Variants in KCND2 observed in about 807,000 individuals in gnomAD.
KCND2 encodes the protein A-type voltage-gated potassium channel KCND2.
Under a neutral mutation model 54.4 loss-of-function variants are expected in KCND2, and 16 were observed. That is an observed-to-expected ratio of 0.29 (90% CI 0.20 to 0.45). KCND2 has a LOEUF of 0.45. Ranked by LOEUF, KCND2 falls within the 20% of genes least tolerant of loss-of-function variation. The pLI is 1.00. For missense variants in KCND2, 486 were observed against 824.2 expected, an observed-to-expected ratio of 0.59 and a Z score of 5.02; for synonymous variants, 317 against 310.7, an observed-to-expected ratio of 1.02 and a Z score of -0.21.
At chr7:120,558,057 CT>C (rs1271911612) in intron 1 of KCND2, among the ~76,000 whole-genome samples, 2 of 152,008 alleles carry the variant, frequency 1.3e-5, no homozygotes, top group Non-Finnish European at 2.9e-5. Context: ...AATGTTTCCC[CT>C]GATATCTTTA....
At chr7:120,728,945 G>A (rs1382993311) in intron 1 of KCND2, among the ~76,000 whole-genome samples, 2 of 152,084 alleles carry the variant, frequency 1.3e-5, no homozygotes, top group African/African-American at 4.8e-5. Flanking sequence ...TTAAAAGGTG[G>A]CAGTATTTTA....
intron 1 of KCND2, among the ~76,000 whole-genome samples, chr7:120,634,544 C>T (rs750876852): frequency 2.0e-5 from 3 of 152,058 alleles, no homozygotes; most frequent in Non-Finnish European, 2.9e-5. Context: ...ACTCACTTGC[C>T]GTGCCCTGTT....
At chr7:120,467,714 C>A (rs1181285072) in intron 1 of KCND2, among the ~76,000 whole-genome samples, 1 of 152,072 alleles carries the variant, frequency 6.6e-6, no homozygotes, top group African/African-American at 2.4e-5. Context: ...TTTGTTTACT[C>A]CTTTTTGTCA....
At chr7:120,511,719 C>A (rs1335984317) in intron 1 of KCND2, among the ~76,000 whole-genome samples, 1 of 152,010 alleles carries the variant, frequency 6.6e-6, no homozygotes, top group Non-Finnish European at 1.5e-5. Flanking sequence ...GTTTTCTTGA[C>A]TGTAATTTGA....
intron 2 of KCND2, chr7:120,741,002 A>G (rs1312041644): frequency 1.4e-5 from 5 of 356,914 alleles, no homozygotes; most frequent in Non-Finnish European, 2.2e-5. Context: ...TTGCAAAAAT[A>G]TAATTTTATA....
At chr7:120,477,655 G>A (rs538834956) in intron 1 of KCND2, among the ~76,000 whole-genome samples, 2 of 152,138 alleles carry the variant, frequency 1.3e-5, no homozygotes, top group Admixed American at 6.5e-5. Context: ...AAAAAGAAGA[G>A]GGGGAAAGAG....
At chr7:120,715,948 G>T (rs1386706020) in intron 1 of KCND2, among the ~76,000 whole-genome samples, 2 of 152,008 alleles carry the variant, frequency 1.3e-5, no homozygotes, top group African/African-American at 2.4e-5. Flanking sequence ...AAGTTAAAAT[G>T]ACAATTACTT....
intron 1 of KCND2, among the ~76,000 whole-genome samples, chr7:120,445,170 A>G (rs1802002307): frequency 6.6e-6 from 1 of 152,200 alleles, no homozygotes; most frequent in African/African-American, 2.4e-5. Context: ...TTGAAGACAA[A>G]TGACAGTCAT....
At chr7:120,429,980 A>G (rs1248674556) in intron 1 of KCND2, among the ~76,000 whole-genome samples, 2 of 152,248 alleles carry the variant, frequency 1.3e-5, no homozygotes, top group Non-Finnish European at 2.9e-5. Flanking sequence ...TAAAAAATCC[A>G]TTCAAAGAGA....
intron 1 of KCND2, among the ~76,000 whole-genome samples, chr7:120,420,376 G>A (rs1331351011): frequency 6.6e-6 from 1 of 152,210 alleles, no homozygotes; most frequent in Non-Finnish European, 1.5e-5. Flanking sequence ...CAATAGAGCA[G>A]TGCCTGGTAG....
intron 1 of KCND2, among the ~76,000 whole-genome samples, chr7:120,708,443 T>TA (rs1431004351): frequency 1.1e-4 from 17 of 152,116 alleles, no homozygotes; most frequent in Non-Finnish European, 2.1e-4. Context: ...TCTAGAAAAA[T>TA]ATTTACACAC....
intron 1 of KCND2, among the ~76,000 whole-genome samples, chr7:120,554,661 G>A (rs550165649): frequency 4.1e-4 from 63 of 152,206 alleles, no homozygotes; most frequent in African/African-American, 1.5e-3. Flanking sequence ...GCCCGCCTCG[G>A]CCTCCCAAAG....
chr7:120,724,176 C>A (rs1393474586), intron 1 of KCND2, among the ~76,000 whole-genome samples: 1 of 152,074 alleles, frequency 6.6e-6, no homozygotes, highest in Non-Finnish European at 1.5e-5. Flanking sequence ...TGTGCTAGAC[C>A]TGGGTTTATA....
intron 1 of KCND2, among the ~76,000 whole-genome samples, chr7:120,637,214 A>T (rs1584864180): frequency 6.6e-6 from 1 of 152,282 alleles, no homozygotes; most frequent in South Asian, 2.1e-4. Flanking sequence ...TCTGGAATCT[A>T]GGAATATTTT....
Position 120,567,457 on chromosome 7 carries a change from T to G in KCND2, c.1116-165446T>G, listed in dbSNP as rs546680212. 1.6e-3 allele frequency among the ~76,000 whole-genome samples: 239 copies of G among 152,232 alleles called. 1 individual carries two copies. The highest frequency in any genetic ancestry group is 2.9e-3 in the Non-Finnish European group (200 of 67,994). On this transcript the variant is annotated intron_variant, in intron 1 of 5. Coordinates refer to ENST00000331113, the MANE Select transcript of KCND2 (RefSeq NM_012281.3). ...AAAAATAGCCTAGGATGGAGCCAAA[T>G]GAACATAAATTTGTCAACATTTTGA...
At chr7:120,501,036 C>G (rs1298520800) in intron 1 of KCND2, among the ~76,000 whole-genome samples, 1 of 151,816 alleles carries the variant, frequency 6.6e-6, no homozygotes, top group African/African-American at 2.4e-5. Flanking sequence ...AAGAACTCAT[C>G]AAATGTATAC....
intron 1 of KCND2, among the ~76,000 whole-genome samples, chr7:120,441,405 A>G (rs910666226): frequency 2.5e-4 from 38 of 152,094 alleles, no homozygotes; most frequent in Admixed American, 1.0e-3. Flanking sequence ...AATGGATACA[A>G]TCTTACTCAT....
intron 1 of KCND2, among the ~76,000 whole-genome samples, chr7:120,592,681 C>T (rs368546193): frequency 2.9e-4 from 44 of 152,354 alleles, no homozygotes; most frequent in African/African-American, 1.1e-3. Flanking sequence ...GTGCATGCCT[C>T]AGCCTTTGTT....
At chr7:120,507,916 G>T (rs1004485441) in intron 1 of KCND2, among the ~76,000 whole-genome samples, 1 of 151,750 alleles carries the variant, frequency 6.6e-6, no homozygotes, top group Admixed American at 6.6e-5. Context: ...CTCACTGGGA[G>T]GGTAAATGCC....
Sources: allele counts gnomAD v4.1 joint callset (sites outside exome capture counted in the v4.1 genomes callset), GRCh38; gene constraint gnomAD v4.1.1; transcripts MANE v1.5; gene names NCBI Gene and HGNC (gene_info 2026-07-23, HGNC 2026-07-21).